TRIM24: variants seen among roughly 807,000 people sequenced by gnomAD.
TRIM24 encodes transcription intermediary factor 1-alpha.
A neutral mutation model predicts 123.9 loss-of-function variants in TRIM24; 29 were observed. The observed-to-expected ratio is 0.23, with a 90% confidence interval of 0.17 to 0.32. TRIM24 has a LOEUF of 0.32. Among genes scored for constraint, TRIM24 ranks in the 10% least tolerant of loss-of-function variants. TRIM24 has a pLI of 1.00. For synonymous variants in TRIM24, 456 were observed against 461.1 expected, an observed-to-expected ratio of 0.99 and a Z score of 0.14; for missense variants, 932 against 1,295.3, an observed-to-expected ratio of 0.72 and a Z score of 4.31.
intron 2 of TRIM24, among the ~76,000 whole-genome samples, chr7:138,509,636 G>T (rs1371070660): frequency 2.2e-5 from 3 of 137,944 alleles, no homozygotes; most frequent in East Asian, 2.2e-4. Context: ...CCCAGAGTGG[G>T]TGTTGCAGTG....
intron 6 of TRIM24, among the ~76,000 whole-genome samples, chr7:138,530,823 G>C (rs1796716766): frequency 6.6e-6 from 1 of 151,946 alleles, no homozygotes; most frequent in Admixed American, 6.6e-5. Flanking sequence ...CTTGAATGCA[G>C]TGGTGTTTTC....
At chr7:138,478,138 G>T (rs905036824) in intron 1 of TRIM24, among the ~76,000 whole-genome samples, 1 of 152,062 alleles carries the variant, frequency 6.6e-6, no homozygotes, top group African/African-American at 2.4e-5. Flanking sequence ...TTATAAATTT[G>T]TTGGAAAACT....
At chr7:138,490,678 G>T (rs1018904605) in intron 1 of TRIM24, 2 of 404,222 alleles carry the variant, frequency 4.9e-6, no homozygotes, top group Non-Finnish European at 9.4e-6. Context: ...TCACTGTGAA[G>T]CTCCATGAGT....
intron 1 of TRIM24, among the ~76,000 whole-genome samples, chr7:138,487,695 C>T (rs1396046977): frequency 2.0e-5 from 3 of 152,058 alleles, no homozygotes; most frequent in African/African-American, 4.8e-5. Context: ...GGGATGAAGC[C>T]CACTTGATCT....
chr7:138,513,644 A>T (rs1796335131), intron 2 of TRIM24, among the ~76,000 whole-genome samples: 1 of 152,042 alleles, frequency 6.6e-6, no homozygotes, highest in Non-Finnish European at 1.5e-5. Context: ...CCAAGGGGGA[A>T]ATCACCCCCA....
chr7:138,554,980 C>CAG lies in TRIM24; in HGVS notation c.1530+15_1530+16dup, dbSNP rs1797286257. 6.2e-7 allele frequency: 1 copy of CAG among 1,611,130 alleles called. No individual in the cohort carries two copies. The highest frequency in any genetic ancestry group is 1.3e-5 in the African/African-American group (1 of 74,808). On this transcript the variant is annotated intron_variant, in intron 9 of 18. Coordinates refer to ENST00000343526, the MANE Select transcript of TRIM24 (RefSeq NM_015905.3). This position sits in a 1 kb window ranked among gnomAD's most constrained non-coding sequence, Gnocchi z 4.5. ...ATCTCTCATCAGGTAAATTTGGAAG[C>CAG]AGGCCTGTCCTCACTTAGATAATTA...
intron 7 of TRIM24, among the ~76,000 whole-genome samples, chr7:138,540,789 A>G (rs946652433): frequency 4.6e-5 from 7 of 152,216 alleles, no homozygotes; most frequent in Admixed American, 1.3e-4. Flanking sequence ...GCCCAGATCC[A>G]TCAGAGGAAT....
In TRIM24 at chr7:138,460,900, T is replaced by G. The variant is rs765467829; in HGVS notation, c.352T>G (p.Phe118Val). The stretch of plus-strand genomic sequence containing the variant: ...CTCGCCGGTCAGCGGCTCGTCGCCG[T>G]TCGCCACCCAAGGTGAGAACCGGCC... ...PGSPVSGSSP[F>V]ATQVGVIRCP... Residue 118 changes from phenylalanine to valine, a missense_variant, in exon 1 of 19, where the codon TTC becomes GTC. This residue lies in a region of TRIM24 where 164 missense variants were observed against 181.9 expected (regional missense o/e 0.90). Coordinates refer to ENST00000343526, the MANE Select transcript of TRIM24 (RefSeq NM_015905.3). 4.0e-6 allele frequency: 6 copies of G among 1,506,080 alleles called. No individual in the cohort carries two copies. The highest frequency in any genetic ancestry group is 5.3e-6 in the Non-Finnish European group (6 of 1,136,044). 93.3% of individuals were successfully genotyped at this position (1,506,080 alleles called of 1,614,324 possible). A position where few individuals can be genotyped will look rare whatever the true frequency, so the allele number is the denominator to read the frequency against.
chr7:138,460,284 G>T lies in TRIM24; in HGVS notation c.-265G>T. On this transcript the variant is annotated 5_prime_UTR_variant, in exon 1 of 19. Transcript: ENST00000343526. ...GTATTCCACGAGCGCCTCGGCGGTT[G>T]GCGAAGCGGACGGGGTGCAGCCTCC... 2.7e-6 allele frequency: 1 copy of T among 370,214 alleles called. No homozygotes were observed. The highest frequency in any genetic ancestry group is 4.8e-6 in the Non-Finnish European group (1 of 208,588). The allele number at this position is 370,214 out of a possible 1,614,324, so 22.9% of individuals were successfully genotyped here. A position where few individuals can be genotyped will look rare whatever the true frequency, so the allele number is the denominator to read the frequency against.
At chr7:138,515,406 C>G (rs764666971) in intron 3 of TRIM24, 47 bp downstream of exon 3, 10 of 1,592,354 alleles carry the variant, frequency 6.3e-6, no homozygotes, top group Non-Finnish European at 8.6e-6. Flanking sequence ...CTTTCCCCGT[C>G]TTTTCTTCCT....
At chr7:138,525,391 T>A (rs762740144) in intron 5 of TRIM24, 34 bp downstream of exon 5, 3 of 1,224,084 alleles carry the variant, frequency 2.5e-6, no homozygotes, top group Non-Finnish European at 3.3e-6. Context: ...CATTTTTATA[T>A]AATTTGTTAA....
intron 2 of TRIM24, among the ~76,000 whole-genome samples, chr7:138,511,304 CTTT>C (rs760269729): frequency 1.4e-5 from 2 of 140,968 alleles, no homozygotes; most frequent in African/African-American, 2.6e-5. Flanking sequence ...TTCTTTCTTT[CTTT>C]TTTTTTTTTT....
intron 14 of TRIM24, 44 bp downstream of exon 14, chr7:138,577,632 A>G: frequency 2.1e-6 from 3 of 1,440,836 alleles, no homozygotes; most frequent in Non-Finnish European, 2.8e-6. Context: ...CATGGTGGGT[A>G]GGGTGAGAGA....
At chr7:138,551,812 CT>C (rs1334071668) in intron 8 of TRIM24, among the ~76,000 whole-genome samples, 1 of 152,126 alleles carries the variant, frequency 6.6e-6, no homozygotes, top group African/African-American at 2.4e-5. Flanking sequence ...ATTGGCTTAT[CT>C]TTACAACTAT....
chr7:138,517,376 T>C (rs1217458109), intron 3 of TRIM24, among the ~76,000 whole-genome samples: 1 of 152,102 alleles, frequency 6.6e-6, no homozygotes, highest in Non-Finnish European at 1.5e-5. Context: ...TGTTTTGTTT[T>C]GTTTTGTTTT....
intron 5 of TRIM24, among the ~76,000 whole-genome samples, chr7:138,528,354 C>T (rs955777016): frequency 6.6e-6 from 1 of 152,048 alleles, no homozygotes; most frequent in Non-Finnish European, 1.5e-5. Flanking sequence ...TGGGGGAGTG[C>T]TGGGAGAGTC....
At position 138,518,251 on chromosome 7, in the gene TRIM24, T is replaced by C. The variant is rs144019038; in HGVS notation, c.632-938T>C. 1.1e-4 allele frequency among the ~76,000 whole-genome samples: 16 copies of C among 152,292 alleles called. No homozygotes were observed. In the East Asian group the frequency reaches 3.1e-3, roughly 29 times the overall value. On this transcript the variant is annotated intron_variant, in intron 3 of 18. Coordinates refer to ENST00000343526, the MANE Select transcript of TRIM24 (RefSeq NM_015905.3). ...AAAAATCTTTAAAAGACAATATATG[T>C]ACTACCATTTATTGTTTTATAAAAT... is the stretch of plus-strand genomic sequence containing the variant.
In TRIM24 at chr7:138,466,463, C is replaced by CTTTTTTTTTTTTTTTTTTT. The variant is rs577317171; in HGVS notation, c.364+5569_364+5570insTTTTTTTTTTTTTTTTTTT. On this transcript the variant is annotated intron_variant, in intron 1 of 18. Transcript: ENST00000343526. Reference sequence around the variant, plus strand: ...TTTGCAAATTTCAAAACTTAAGTTGCTTTTTTTTTTTTTTTTTTGGAGACA... The same window carrying CTTTTTTTTTTTTTTTTTTT: ...TTTGCAAATTTCAAAACTTAAGTTGCTTTTTTTTTTTTTTTTTTTTTTTTTTTTTTTTTTTTTGGAGACA... Among the ~76,000 whole-genome samples the CTTTTTTTTTTTTTTTTTTT allele has an allele frequency of 2.4e-4, 18 of 74,058 alleles. 4 individuals carry two copies. The highest frequency in any genetic ancestry group is 9.5e-4 in the South Asian group (2 of 2,100). 48.6% of individuals were successfully genotyped at this position (74,058 alleles called of 152,430 possible). A position where few individuals can be genotyped will look rare whatever the true frequency, so the allele number is the denominator to read the frequency against.
At chr7:138,511,819 A>G (rs1437836553) in intron 2 of TRIM24, among the ~76,000 whole-genome samples, 1 of 152,098 alleles carries the variant, frequency 6.6e-6, no homozygotes, top group African/African-American at 2.4e-5. Context: ...AAACACAATC[A>G]TGCCTCCCAA....
Sources: gnomAD v4.1 joint callset for allele counts (sites outside exome capture counted in the v4.1 genomes callset) on GRCh38, gnomAD v4.1.1 for gene constraint, gnomAD v4.1.1 regional missense constraint, Gnocchi (gnomAD v3.1) non-coding constraint, MANE v1.5 for transcripts, NCBI Gene and HGNC (gene_info 2026-07-23, HGNC 2026-07-21) for gene names.